XKR4: variants seen among roughly 807,000 people sequenced by gnomAD.
XKR4 encodes the protein XK-related protein 4.
XKR4 carries 12 observed loss-of-function variants against 53.9 expected under a neutral mutation model. The observed-to-expected ratio is 0.22, with a 90% CI of 0.14 to 0.36. The LOEUF (loss-of-function observed/expected upper bound fraction) is 0.36. Ranked by LOEUF, XKR4 falls within the 10% of genes least tolerant of loss-of-function variation. The pLI, the probability that XKR4 is intolerant of heterozygous loss-of-function variation, is 1.00. For missense variants in XKR4, 799 were observed against 859.5 expected, an observed-to-expected ratio of 0.93 and a Z score of 0.88; for synonymous variants, 354 against 362.4, an observed-to-expected ratio of 0.98 and a Z score of 0.26.
intron 2 of XKR4, among the ~76,000 whole-genome samples, chr8:55,399,357 C>A (rs1461413372): frequency 6.6e-6 from 1 of 152,244 alleles, no homozygotes; most frequent in Non-Finnish European, 1.5e-5. Context: ...CCAACACTTA[C>A]AGTCACTCTT....
chr8:55,124,000 A>T (rs573766379), intron 1 of XKR4, among the ~76,000 whole-genome samples: 25 of 152,306 alleles, frequency 1.6e-4, no homozygotes, highest in Admixed American at 2.6e-4. Context: ...TAGCAATCCC[A>T]TGAGATCTAC....
At chr8:55,202,884 T>C (rs545247334) in intron 1 of XKR4, among the ~76,000 whole-genome samples, 7 of 150,936 alleles carry the variant, frequency 4.6e-5, no homozygotes, top group Admixed American at 3.9e-4. Context: ...CATTGCAAAG[T>C]CTGCAGAGCA....
At chr8:55,352,531 C>G (rs1234130274) in intron 1 of XKR4, among the ~76,000 whole-genome samples, 1 of 152,250 alleles carries the variant, frequency 6.6e-6, no homozygotes, top group Non-Finnish European at 1.5e-5. Flanking sequence ...ATGTATGTCA[C>G]AGACAGGTCA....
chr8:55,535,286 T>A lies in XKR4; in HGVS notation c.*11059T>A, dbSNP rs890029849. 3.3e-5 allele frequency: 5 copies of A among 152,134 alleles called. No homozygotes were observed. In the South Asian group the frequency reaches 8.3e-4, roughly 25 times the overall value. 9.4% of individuals were successfully genotyped at this position (152,134 alleles called of 1,614,324 possible). A position where few individuals can be genotyped will look rare whatever the true frequency, so the allele number is the denominator to read the frequency against. ...ACATGTGCACAACGTGCAGGTTTGT[T>A]ACATATGTATACATGTGCCATGTTG... On this transcript the variant is annotated 3_prime_UTR_variant, in exon 3 of 3. Transcript: ENST00000327381.
intron 2 of XKR4, among the ~76,000 whole-genome samples, chr8:55,501,154 A>T (rs1806430117): frequency 6.6e-6 from 1 of 152,232 alleles, no homozygotes; most frequent in Non-Finnish European, 1.5e-5. Flanking sequence ...AAAAAACTTT[A>T]TAGAAACCTA....
intron 1 of XKR4, among the ~76,000 whole-genome samples, chr8:55,319,557 C>T (rs1374087527): frequency 6.6e-6 from 1 of 152,122 alleles, no homozygotes; most frequent in African/African-American, 2.4e-5. Context: ...GGGCAAGAAA[C>T]TGTAACGTGC....
chr8:55,171,165 G>A (rs1035217834), intron 1 of XKR4, among the ~76,000 whole-genome samples: 2 of 152,176 alleles, frequency 1.3e-5, no homozygotes, highest in African/African-American at 4.8e-5. Flanking sequence ...AAATAGTGAA[G>A]ATGATTTTCA....
chr8:55,537,089 A>AT lies in XKR4; in HGVS notation c.*12867dup, dbSNP rs1262163133. ...TATAAGGTTGATAGAAGTAAAAGCT[A>AT]TTTTTCCCAAAACAAACAAAATACC... On this transcript the variant is annotated 3_prime_UTR_variant, in exon 3 of 3. Coordinates refer to ENST00000327381, the MANE Select transcript of XKR4 (RefSeq NM_052898.2). The AT allele has an allele frequency of 5.3e-5, 8 of 152,180 alleles. No homozygotes were observed. 9.4% of individuals were successfully genotyped at this position (152,180 alleles called of 1,614,324 possible). A position where few individuals can be genotyped will look rare whatever the true frequency, so the allele number is the denominator to read the frequency against.
intron 1 of XKR4, among the ~76,000 whole-genome samples, chr8:55,142,657 A>T (rs531087155): frequency 2.3e-4 from 35 of 152,388 alleles, no homozygotes; most frequent in African/African-American, 7.7e-4. Flanking sequence ...TTAGTACTCA[A>T]TAAACTTTAA....
intron 1 of XKR4, among the ~76,000 whole-genome samples, chr8:55,287,128 G>A (rs536244234): frequency 6.5e-5 from 2 of 30,570 alleles, no homozygotes; most frequent in East Asian, 2.2e-3. Flanking sequence ...AATAATTATT[G>A]GGTGGGGGGG....
intron 1 of XKR4, among the ~76,000 whole-genome samples, chr8:55,230,371 T>TC (rs36039387): frequency 0.022 from 3,322 of 151,202 alleles, 138 homozygotes; most frequent in African/African-American, 0.075. Context: ...CACTTTTTTT[T>TC]TTTTTTTTGA....
chr8:55,276,897 G>A (rs1028390696), intron 1 of XKR4, among the ~76,000 whole-genome samples: 15 of 152,140 alleles, frequency 9.9e-5, no homozygotes, highest in Admixed American at 9.8e-4. Flanking sequence ...TCAGACAAAC[G>A]AAAAGATAAA....
intron 2 of XKR4, among the ~76,000 whole-genome samples, chr8:55,475,348 A>T (rs1335085322): frequency 6.6e-6 from 1 of 151,876 alleles, no homozygotes; most frequent in Non-Finnish European, 1.5e-5. Context: ...GGATTGTCTT[A>T]TTTCAGACCA....
intron 1 of XKR4, chr8:55,142,185 T>G: frequency 2.2e-6 from 1 of 456,110 alleles, no homozygotes; most frequent in South Asian, 1.5e-5. Context: ...GCGCTTTGTC[T>G]TCTCCTGCTG....
intron 2 of XKR4, among the ~76,000 whole-genome samples, chr8:55,439,745 T>C (rs941513525): frequency 6.6e-6 from 1 of 152,168 alleles, no homozygotes; most frequent in African/African-American, 2.4e-5. Flanking sequence ...GGTTAACATA[T>C]ATTTAATTGT....
intron 1 of XKR4, among the ~76,000 whole-genome samples, chr8:55,288,149 G>A (rs1818933927): frequency 6.6e-6 from 1 of 152,118 alleles, no homozygotes; most frequent in Admixed American, 6.5e-5. Context: ...CAAAAGATTG[G>A]ATACCCCTAG....
chr8:55,259,278 T>A (rs1243113932), intron 1 of XKR4, among the ~76,000 whole-genome samples: 1 of 152,230 alleles, frequency 6.6e-6, no homozygotes, highest in Non-Finnish European at 1.5e-5. Flanking sequence ...CTTCCGTGTT[T>A]GTGAAATGGT....
At chr8:55,468,074 T>C (rs142065296) in intron 2 of XKR4, among the ~76,000 whole-genome samples, 1 of 152,258 alleles carries the variant, frequency 6.6e-6, no homozygotes, top group African/African-American at 2.4e-5. Context: ...ATAAATCAAA[T>C]AGGATTTCCA....
At chr8:55,247,372 T>C in intron 1 of XKR4, among the ~76,000 whole-genome samples, 1 of 152,356 alleles carries the variant, frequency 6.6e-6, no homozygotes, top group South Asian at 2.1e-4. Context: ...TTTTAAATTA[T>C]TTAATAGACT....
Sources: allele counts gnomAD v4.1 joint callset (sites outside exome capture counted in the v4.1 genomes callset), GRCh38; gene constraint gnomAD v4.1.1; transcripts MANE v1.5; gene names NCBI Gene and HGNC (gene_info 2026-07-23, HGNC 2026-07-21).